Variants in TBCK observed in about 807,000 individuals in gnomAD.
The protein encoded by TBCK is TBC domain-containing protein kinase-like protein.
A neutral mutation model predicts 113.4 loss-of-function variants in TBCK; 99 were observed. That is an observed-to-expected ratio of 0.87 (90% CI 0.74 to 1.03). TBCK has a LOEUF of 1.03. Among genes scored for constraint, TBCK ranks in the 50% least tolerant of loss-of-function variants. The probability of loss-of-function intolerance (pLI) is 0.00; values close to 1 mark genes in which losing one functional copy is unlikely to be tolerated. For synonymous variants in TBCK, 369 were observed against 370.8 expected (o/e 1.00, Z 0.05); for missense variants, 1,045 against 1,061.3 (o/e 0.98, Z 0.21).
intron 23 of TBCK, among the ~76,000 whole-genome samples, chr4:106,124,736 TA>T (rs1282882033): frequency 6.6e-6 from 1 of 151,656 alleles, no homozygotes; most frequent in African/African-American, 2.4e-5. Context: ...TCATTTTCAG[TA>T]AACTATCGCA....
At chr4:106,189,006 C>CTATGG (rs1753356472) in intron 22 of TBCK, among the ~76,000 whole-genome samples, 4 of 152,072 alleles carry the variant, frequency 2.6e-5, no homozygotes, top group African/African-American at 9.7e-5. Flanking sequence ...CCACCACAAA[C>CTATGG]AAGACTGACA....
At chr4:106,103,326 T>C (rs1741762917) in intron 24 of TBCK, among the ~76,000 whole-genome samples, 1 of 152,202 alleles carries the variant, frequency 6.6e-6, no homozygotes, top group Non-Finnish European at 1.5e-5. Flanking sequence ...GGTAATAGCT[T>C]ATTTTGTGTG....
rs1288437568 is a variant in TBCK, at chr4:106,204,405, T to G, written c.1860+8345A>C. 3.3e-5 allele frequency among the ~76,000 whole-genome samples: 5 copies of G among 152,150 alleles called. No individual in the cohort carries two copies. The East Asian group carries it at 9.7e-4, about 29-fold the overall frequency. On this transcript the variant is annotated intron_variant, in intron 20 of 25. Transcript: ENST00000394708. ...TTAAGTCCCTTCGGGGTCCACCAATTCAAAGCTATTTTTGTAATAATACTA... is the reference window on the plus strand; with the variant it reads ...TTAAGTCCCTTCGGGGTCCACCAATGCAAAGCTATTTTTGTAATAATACTA...
chr4:106,198,582 T>C (rs916117658), intron 20 of TBCK, among the ~76,000 whole-genome samples: 3 of 152,140 alleles, frequency 2.0e-5, no homozygotes, highest in African/African-American at 7.2e-5. Context: ...GAAAACTTTT[T>C]GTATATTTTT....
At chr4:106,273,079 A>G (rs916716487) in intron 3 of TBCK, among the ~76,000 whole-genome samples, 18 of 152,192 alleles carry the variant, frequency 1.2e-4, no homozygotes, top group African/African-American at 3.9e-4. Context: ...CTTTTGTAAT[A>G]TACAGATTTT....
At chr4:106,104,037 C>G (rs956260699) in intron 24 of TBCK, among the ~76,000 whole-genome samples, 1 of 152,204 alleles carries the variant, frequency 6.6e-6, no homozygotes, top group South Asian at 2.1e-4. Flanking sequence ...GGCCTTCAGT[C>G]TTCAGTCTGA....
chr4:106,083,432 C>A (rs766499810), intron 25 of TBCK, among the ~76,000 whole-genome samples: 3 of 152,216 alleles, frequency 2.0e-5, no homozygotes, highest in Non-Finnish European at 4.4e-5. Context: ...GAATTCAGAT[C>A]TCCCTGGGCC....
chr4:106,213,153 T>A (rs1405166767), intron 19 of TBCK, among the ~76,000 whole-genome samples: 17 of 152,216 alleles, frequency 1.1e-4, no homozygotes, highest in Non-Finnish European at 2.9e-5. Flanking sequence ...AAATCTGCTT[T>A]GTATTTCTTG....
chr4:106,311,250 G>A (rs1489557077), intron 1 of TBCK, among the ~76,000 whole-genome samples: 1 of 146,996 alleles, frequency 6.8e-6, no homozygotes, highest in Non-Finnish European at 1.5e-5. Flanking sequence ...CACACACAGA[G>A]TGGACCTGTG....
At chr4:106,261,360 G>A (rs73838180) in intron 4 of TBCK, among the ~76,000 whole-genome samples, 2,046 of 152,006 alleles carry the variant, frequency 0.013, 52 homozygotes, top group African/African-American at 0.046. Flanking sequence ...ATAGCTCACT[G>A]CAGCCTCAAA....
chr4:106,204,780 A>T, intron 20 of TBCK, among the ~76,000 whole-genome samples: 1 of 87,748 alleles, frequency 1.1e-5, no homozygotes, highest in East Asian at 3.2e-4. Context: ...TTTTTTTGAG[A>T]CGGAGTCTCG....
intron 23 of TBCK, among the ~76,000 whole-genome samples, chr4:106,118,165 T>G (rs987696476): frequency 2.6e-5 from 4 of 152,172 alleles, no homozygotes; most frequent in African/African-American, 9.7e-5. Flanking sequence ...CTCAGTTACA[T>G]TGTGGAATTC....
chr4:106,073,164 G>A (rs1737694868), intron 25 of TBCK, among the ~76,000 whole-genome samples: 1 of 152,158 alleles, frequency 6.6e-6, no homozygotes, highest in Non-Finnish European at 1.5e-5. Flanking sequence ...GTAATCTTTT[G>A]CAGGAGGAGA....
chr4:106,246,343 G>C (rs1429409013), intron 10 of TBCK, among the ~76,000 whole-genome samples: 1 of 152,074 alleles, frequency 6.6e-6, no homozygotes, highest in Admixed American at 6.6e-5. Flanking sequence ...TATGACTTAA[G>C]TCATAACAAC....
At chr4:106,262,269 T>A in intron 3 of TBCK, 57 bp from the exon 4 acceptor site, 1 of 997,044 alleles carries the variant, frequency 1.0e-6, no homozygotes, top group Non-Finnish European at 1.5e-6. Context: ...TAACTTGTTT[T>A]AACAAGTGAA....
At chr4:106,298,781 C>T (rs1245747139) in intron 2 of TBCK, among the ~76,000 whole-genome samples, 1 of 152,134 alleles carries the variant, frequency 6.6e-6, no homozygotes, top group African/African-American at 2.4e-5. Context: ...GCTCTCACGC[C>T]TCAAACTACA....
intron 3 of TBCK, among the ~76,000 whole-genome samples, chr4:106,279,807 C>A (rs924019246): frequency 2.0e-5 from 3 of 152,108 alleles, no homozygotes; most frequent in Non-Finnish European, 4.4e-5. Flanking sequence ...TGTATATGTA[C>A]CATATTTTCT....
At chr4:106,208,836 C>T (rs1755821049) in intron 20 of TBCK, among the ~76,000 whole-genome samples, 1 of 152,200 alleles carries the variant, frequency 6.6e-6, no homozygotes, top group Admixed American at 6.5e-5. Context: ...TGCTGTAACA[C>T]CCCCTTTGGG....
chr4:106,186,082 T>C (rs773356477), intron 22 of TBCK, among the ~76,000 whole-genome samples: 31 of 152,310 alleles, frequency 2.0e-4, no homozygotes, highest in Non-Finnish European at 3.4e-4. Context: ...TATGACTGTG[T>C]AGTATTCCAT....
Sources: gnomAD v4.1 joint callset for allele counts (sites outside exome capture counted in the v4.1 genomes callset) on GRCh38, gnomAD v4.1.1 for gene constraint, MANE v1.5 for transcripts, NCBI Gene and HGNC (gene_info 2026-07-23, HGNC 2026-07-21) for gene names.